The following CACNA2D1 variants were observed in gnomAD, a reference collection of about 807,000 sequenced individuals.
The protein encoded by CACNA2D1 is voltage-dependent calcium channel subunit alpha-2/delta-1.
In CACNA2D1, 53 loss-of-function variants were observed where a neutral mutation model predicts 171.5. The ratio of observed to expected loss-of-function variants is 0.31; its 90% CI spans 0.25 to 0.39. CACNA2D1 has a LOEUF of 0.39. Among genes scored for constraint, CACNA2D1 ranks in the 10% least tolerant of loss-of-function variants. The pLI is 1.00. For synonymous variants in CACNA2D1, 442 were observed against 443.1 expected (o/e 1.00, Z 0.03); for missense variants, 903 against 1,299.8 (o/e 0.69, Z 4.69).
intron 3 of CACNA2D1, among the ~76,000 whole-genome samples, chr7:82,276,715 T>C (rs575228782): frequency 6.6e-6 from 1 of 152,150 alleles, no homozygotes; most frequent in Non-Finnish European, 1.5e-5. Flanking sequence ...CTTTGATGGA[T>C]ACATTGACAT....
chr7:82,422,528 T>C (rs556982345), intron 1 of CACNA2D1, among the ~76,000 whole-genome samples: 1 of 152,224 alleles, frequency 6.6e-6, no homozygotes, highest in Admixed American at 6.5e-5. Context: ...AAAGATCTAG[T>C]TCAATTCAAT....
chr7:81,990,443 A>T (rs900084930), intron 21 of CACNA2D1, among the ~76,000 whole-genome samples: 2 of 152,090 alleles, frequency 1.3e-5, no homozygotes, highest in Admixed American at 1.3e-4. Flanking sequence ...ATGAGCCAGG[A>T]GTTGAAATCT....
Position 81,950,403 on chromosome 7 carries a change from GGT to G in CACNA2D1, c.3263_3264del (p.His1088ProfsTer7). On this transcript the variant is annotated frameshift_variant, in exon 39 of 39. Coordinates refer to ENST00000356860, the MANE Select transcript of CACNA2D1 (RefSeq NM_000722.4). LOFTEE classifies it high-confidence loss of function. ...TGGTTTTTAGAAGGTCATAACAGGC[GGT>G]GTGTGCTGCCAGATACCAGCCAAAG... ...LLLWLVSGSTHRLL is the reference protein window; with the variant it reads ...LLLWLVSGSTXRLL 2.5e-6 allele frequency: 4 copies of G among 1,613,064 alleles called. No homozygotes were observed. The highest frequency in any genetic ancestry group is 3.4e-6 in the Non-Finnish European group (4 of 1,179,486).
At chr7:82,266,574 T>C (rs1337889151) in intron 3 of CACNA2D1, among the ~76,000 whole-genome samples, 1 of 152,094 alleles carries the variant, frequency 6.6e-6, no homozygotes, top group Non-Finnish European at 1.5e-5. Context: ...TGGAGTGCAA[T>C]GGTGTGATCT....
chr7:82,083,110 G>A (rs1365123851), intron 7 of CACNA2D1, among the ~76,000 whole-genome samples: 6 of 151,010 alleles, frequency 4.0e-5, no homozygotes, highest in African/African-American at 1.5e-4. Context: ...CCGATACTGG[G>A]CTCTTGACTG....
chr7:81,963,534 G>A (rs1794384659), intron 34 of CACNA2D1, among the ~76,000 whole-genome samples: 1 of 151,914 alleles, frequency 6.6e-6, no homozygotes, highest in African/African-American at 2.4e-5. Flanking sequence ...TGAGGGTTGA[G>A]GGAGGTTTGG....
intron 3 of CACNA2D1, among the ~76,000 whole-genome samples, chr7:82,210,484 C>A (rs1253360735): frequency 6.6e-6 from 1 of 152,142 alleles, no homozygotes; most frequent in Admixed American, 6.6e-5. Context: ...TGATCTGTGA[C>A]TTCAGCAGTA....
At chr7:82,322,516 G>A (rs1485577244) in intron 3 of CACNA2D1, among the ~76,000 whole-genome samples, 9 of 151,442 alleles carry the variant, frequency 5.9e-5, no homozygotes, top group African/African-American at 2.2e-4. Context: ...CTACTCAAGA[G>A]GCCAAGGCAG....
chr7:82,385,411 A>G (rs113555617), intron 1 of CACNA2D1, among the ~76,000 whole-genome samples: 2 of 152,324 alleles, frequency 1.3e-5, no homozygotes, highest in African/African-American at 4.8e-5. Flanking sequence ...GATGCTCATG[A>G]CGATAAATGA....
In CACNA2D1 at chr7:82,443,403, G is replaced by A. The variant is rs770350248; in HGVS notation, c.57C>T (p.Ile19=). 7.2e-5 allele frequency: 115 copies of A among 1,606,126 alleles called. No individual in the cohort carries two copies. Among genetic ancestry groups the A allele is most frequent in the Non-Finnish European group, 9.5e-5 (112 of 1,176,148 alleles). ...LTLTLFQSLL[I]GPSSEEPFPS... is the part of the protein sequence containing the mutation. ...GGAACGGCTCCTCCGACGAGGGGCC[G>A]ATGAGCAAAGATTGGAAAAGTGTCA... is the stretch of plus-strand genomic sequence containing the variant. The change falls in exon 1 of 39, where the codon ATC becomes ATT. Residue 19 remains isoleucine, a synonymous_variant. Coordinates refer to ENST00000356860, the MANE Select transcript of CACNA2D1 (RefSeq NM_000722.4).
intron 6 of CACNA2D1, among the ~76,000 whole-genome samples, chr7:82,085,693 T>A (rs964613923): frequency 1.3e-5 from 2 of 151,894 alleles, no homozygotes; most frequent in African/African-American, 4.8e-5. Context: ...ATAGTTTTTT[T>A]TTTTCTCCTG....
intron 3 of CACNA2D1, among the ~76,000 whole-genome samples, chr7:82,255,063 T>C (rs1161391762): frequency 2.0e-5 from 3 of 152,356 alleles, no homozygotes; most frequent in Non-Finnish European, 2.9e-5. Flanking sequence ...TCCCTAGCTA[T>C]TCGGCTTCAT....
At chr7:82,339,197 G>A (rs570432443) in intron 2 of CACNA2D1, among the ~76,000 whole-genome samples, 2 of 152,308 alleles carry the variant, frequency 1.3e-5, no homozygotes, top group Admixed American at 1.3e-4. Flanking sequence ...TGATCTGAAA[G>A]AGGCTAACCT....
chr7:82,418,208 C>T (rs987612773), intron 1 of CACNA2D1, among the ~76,000 whole-genome samples: 4 of 152,132 alleles, frequency 2.6e-5, no homozygotes, highest in Admixed American at 6.5e-5. Flanking sequence ...CATCAAATCT[C>T]ATGAGAACGA....
At chr7:82,152,922 G>A (rs946685007) in intron 4 of CACNA2D1, among the ~76,000 whole-genome samples, 1 of 151,598 alleles carries the variant, frequency 6.6e-6, no homozygotes, top group Non-Finnish European at 1.5e-5. Flanking sequence ...CAAAATGGCT[G>A]CATTGGTAAT....
At chr7:82,442,706 C>T (rs1830595186) in intron 1 of CACNA2D1, among the ~76,000 whole-genome samples, 1 of 152,130 alleles carries the variant, frequency 6.6e-6, no homozygotes, top group Non-Finnish European at 1.5e-5. Context: ...GAACAGGGAC[C>T]GCGTGTCTGC....
At chr7:82,039,469 C>A (rs1291569555) in intron 10 of CACNA2D1, among the ~76,000 whole-genome samples, 1 of 152,146 alleles carries the variant, frequency 6.6e-6, no homozygotes, top group Non-Finnish European at 1.5e-5. Flanking sequence ...GCATTTACTA[C>A]ATATTCTACA....
At chr7:82,133,104 T>G (rs534752519) in intron 5 of CACNA2D1, among the ~76,000 whole-genome samples, 1 of 152,316 alleles carries the variant, frequency 6.6e-6, no homozygotes, top group South Asian at 2.1e-4. Context: ...ATTTCTCCCA[T>G]TTTTTCTCTT....
At chr7:82,286,347 GA>G (rs947275809) in intron 3 of CACNA2D1, among the ~76,000 whole-genome samples, 1 of 151,950 alleles carries the variant, frequency 6.6e-6, no homozygotes, top group African/African-American at 2.4e-5. Context: ...TTTTCTTGCT[GA>G]AAAAGAAACA....
Sources: allele counts gnomAD v4.1 joint callset (sites outside exome capture counted in the v4.1 genomes callset), GRCh38; gene constraint gnomAD v4.1.1; transcripts MANE v1.5; gene names NCBI Gene and HGNC (gene_info 2026-07-23, HGNC 2026-07-21).